The following SV2B variants were observed in gnomAD, a reference collection of about 807,000 sequenced individuals.
The protein encoded by SV2B is solute carrier family 22 member B2.
In SV2B, 41 loss-of-function variants were observed where a neutral mutation model predicts 73.9. That is an observed-to-expected ratio of 0.56 (90% CI 0.43 to 0.72). The LOEUF (loss-of-function observed/expected upper bound fraction) is 0.72. Among genes scored for constraint, SV2B ranks in the 30% least tolerant of loss-of-function variants. The pLI is 0.00. For synonymous variants in SV2B, 314 were observed against 314.2 expected (o/e 1.00, Z 0.01); for missense variants, 764 against 857.8 (o/e 0.89, Z 1.37).
intron 1 of SV2B, among the ~76,000 whole-genome samples, chr15:91,154,515 A>G (rs906503350): frequency 2.6e-5 from 4 of 152,168 alleles, no homozygotes; most frequent in Admixed American, 6.5e-5. Context: ...TCAGGTATTG[A>G]TCTCAGCGTC....
At position 91,292,660 on chromosome 15, in the gene SV2B, G is replaced by A. The variant is rs1471395337; in HGVS notation, c.*108G>A. On this transcript the variant is annotated 3_prime_UTR_variant, in exon 13 of 13. Transcript: ENST00000394232. Reference sequence around the variant, plus strand: ...GGAGGACACCTTGGATAGCACGGGAGGAGAAGTTGACTTTGTGACCCCTAG... The same window carrying A: ...GGAGGACACCTTGGATAGCACGGGAAGAGAAGTTGACTTTGTGACCCCTAG... The A allele has an allele frequency of 7.3e-7, 1 of 1,360,940 alleles. No individual in the cohort carries two copies. The highest frequency in any genetic ancestry group is 1.5e-5 in the South Asian group (1 of 64,528). The allele number at this position is 1,360,940 out of a possible 1,614,324, so 84.3% of individuals were successfully genotyped here.
rs1018584791 is a variant in SV2B at position 91,121,525 on chromosome 15, A to T, written c.-392+21162A>T. On this transcript the variant is annotated intron_variant, in intron 1 of 12. Coordinates refer to ENST00000394232, the MANE Select transcript of SV2B (RefSeq NM_001323032.3). This position sits in a 1 kb window ranked among gnomAD's most constrained non-coding sequence, Gnocchi z 4.4. ...TTTCTTTCATGTCTATTATGTCATT[A>T]TTTTTTACCTTTTTATATTTTTTTC... Among the ~76,000 whole-genome samples the T allele has an allele frequency of 2.0e-5, 3 of 151,690 alleles. No individual in the cohort carries two copies. Among genetic ancestry groups the T allele is most frequent in the Non-Finnish European group, 4.4e-5 (3 of 67,932 alleles).
At chr15:91,276,881 G>C (rs2048511027) in intron 9 of SV2B, among the ~76,000 whole-genome samples, 1 of 148,102 alleles carries the variant, frequency 6.8e-6, no homozygotes, top group Non-Finnish European at 1.5e-5. Flanking sequence ...GAGCGCAATG[G>C]CATGATCTCA....
intron 1 of SV2B, among the ~76,000 whole-genome samples, chr15:91,149,287 A>G (rs1169067275): frequency 6.6e-6 from 1 of 152,198 alleles, no homozygotes; most frequent in Admixed American, 6.5e-5. Context: ...CTTTAGTAGT[A>G]AGATGAGGGG....
chr15:91,142,965 C>T (rs72764739), intron 1 of SV2B, among the ~76,000 whole-genome samples: 48,854 of 152,040 alleles, frequency 0.32, 8,457 homozygotes, highest in Non-Finnish European at 0.38. Context: ...TTTCTTTCAA[C>T]GGTTTTTTAG....
In SV2B at chr15:91,245,115, T is replaced by C. The variant is rs780739708; in HGVS notation, c.452-6704T>C. Among the ~76,000 whole-genome samples the C allele has an allele frequency of 3.2e-4, 48 of 152,336 alleles. No homozygotes were observed. The highest frequency in any genetic ancestry group is 3.4e-3 in the Middle Eastern group (1 of 294). ...TGATGGTACATCTTATCCTGCTGCC[T>C]CTGGTGTGGAGAGGAAATCTTCTGT... On this transcript the variant is annotated intron_variant, in intron 2 of 12. Transcript: ENST00000394232. The surrounding 1 kb of genome is among the most constrained non-coding windows in gnomAD (Gnocchi z 4.2).
intron 1 of SV2B, among the ~76,000 whole-genome samples, chr15:91,111,596 T>G (rs986390142): frequency 6.6e-6 from 1 of 152,034 alleles, no homozygotes; most frequent in African/African-American, 2.4e-5. Context: ...GTGGGGAGGA[T>G]AGGGAATGGT....
rs921603653 is a variant in SV2B at position 91,141,521 on chromosome 15, C to A, written c.-392+41158C>A. Among the ~76,000 whole-genome samples the A allele has an allele frequency of 6.6e-6, 1 of 152,184 alleles. No homozygotes were observed. The highest frequency in any genetic ancestry group is 2.4e-5 in the African/African-American group (1 of 41,432). On this transcript the variant is annotated intron_variant, in intron 1 of 12. Transcript: ENST00000394232. The surrounding 1 kb of genome is among the most constrained non-coding windows in gnomAD (Gnocchi z 4.6). ...TGCCACTTACCATCTGTGAGACTTT[C>A]AGCGAGTTACCAAATTCCAGCGAGC...
intron 1 of SV2B, among the ~76,000 whole-genome samples, chr15:91,190,779 A>G (rs1323356692): frequency 6.6e-6 from 1 of 152,160 alleles, no homozygotes; most frequent in Non-Finnish European, 1.5e-5. Flanking sequence ...CTTCTGTAAC[A>G]TGACTTTTCT....
intron 1 of SV2B, among the ~76,000 whole-genome samples, chr15:91,166,445 T>C (rs2043914082): frequency 6.6e-6 from 1 of 152,094 alleles, no homozygotes. Flanking sequence ...TTTATCCTAT[T>C]TGAGTTTCAC....
chr15:91,180,950 T>C (rs1409852347), intron 1 of SV2B, among the ~76,000 whole-genome samples: 2 of 152,250 alleles, frequency 1.3e-5, no homozygotes, highest in Non-Finnish European at 1.5e-5. Context: ...CTGCGTTCCT[T>C]TGGAGGAGGA....
rs1208041379 is a variant in SV2B, at chr15:91,129,093, T to A, written c.-392+28730T>A. ...CCTACATGGCCACATGTAAGTCTTA[T>A]GTCCTGCTGCCTTTCAAACAGGAGT... On this transcript the variant is annotated intron_variant, in intron 1 of 12. Transcript: ENST00000394232. The surrounding 1 kb of genome is among the most constrained non-coding windows in gnomAD (Gnocchi z 5.1). Among the ~76,000 whole-genome samples, 1 of 152,260 alleles carries A rather than the reference T, an allele frequency of 6.6e-6. No individual in the cohort carries two copies. Among genetic ancestry groups the A allele is most frequent in the Non-Finnish European group, 1.5e-5 (1 of 68,052 alleles).
At chr15:91,277,524 ATCT>A (rs146734596) in intron 9 of SV2B, among the ~76,000 whole-genome samples, 3,662 of 152,182 alleles carry the variant, frequency 0.024, 69 homozygotes, top group Non-Finnish European at 0.032. Flanking sequence ...GCAGCCAATG[ATCT>A]TCTTTATGTT....
intron 2 of SV2B, among the ~76,000 whole-genome samples, chr15:91,247,860 C>T (rs1352596150): frequency 6.6e-6 from 1 of 152,136 alleles, no homozygotes; most frequent in East Asian, 1.9e-4. Flanking sequence ...GGCTTTGGAG[C>T]TGAGGGACAA....
intron 9 of SV2B, among the ~76,000 whole-genome samples, chr15:91,278,678 C>CAAAAAAAAAAAAA (rs746732650): frequency 6.1e-4 from 26 of 42,376 alleles, no homozygotes; most frequent in Non-Finnish European, 8.7e-4. Context: ...GACTCCGTCT[C>CAAAAAAAAAAAAA]AAAAAAAAAA....
intron 9 of SV2B, among the ~76,000 whole-genome samples, chr15:91,274,557 A>G (rs770570275): frequency 3.3e-5 from 5 of 152,186 alleles, no homozygotes; most frequent in Non-Finnish European, 5.9e-5. Context: ...TTTACAATTT[A>G]TCAGCATAAA....
At chr15:91,205,440 A>C (rs1285306191) in intron 1 of SV2B, among the ~76,000 whole-genome samples, 1 of 148,878 alleles carries the variant, frequency 6.7e-6, no homozygotes, top group African/African-American at 2.5e-5. Context: ...ATCTCGGTAC[A>C]CTGCAGCCTC....
At position 91,129,919 on chromosome 15, in the gene SV2B, C is replaced by T. The variant is rs531409738; in HGVS notation, c.-392+29556C>T. On this transcript the variant is annotated intron_variant, in intron 1 of 12. Coordinates refer to ENST00000394232, the MANE Select transcript of SV2B (RefSeq NM_001323032.3). The surrounding 1 kb of genome is among the most constrained non-coding windows in gnomAD (Gnocchi z 5.1). ...GTTAAGTGAGATAATGCATGTAACA[C>T]GCTTAGCTCAGTGCCTGGTCCTTGG... is the stretch of plus-strand genomic sequence containing the variant. Among the ~76,000 whole-genome samples, 2 of 152,146 alleles carry T rather than the reference C, an allele frequency of 1.3e-5. No individual in the cohort carries two copies. Among genetic ancestry groups the T allele is most frequent in the Non-Finnish European group, 2.9e-5 (2 of 68,026 alleles).
intron 9 of SV2B, among the ~76,000 whole-genome samples, chr15:91,274,285 A>G (rs953501114): frequency 1.3e-5 from 2 of 152,236 alleles, no homozygotes; most frequent in Non-Finnish European, 2.9e-5. Context: ...CACTCTCACC[A>G]GTAGTATACG....
Sources: gnomAD v4.1 joint callset for allele counts (sites outside exome capture counted in the v4.1 genomes callset) on GRCh38, gnomAD v4.1.1 for gene constraint, Gnocchi (gnomAD v3.1) non-coding constraint, MANE v1.5 for transcripts, NCBI Gene and HGNC (gene_info 2026-07-23, HGNC 2026-07-21) for gene names.